MAGI2: variants seen among roughly 807,000 people sequenced by gnomAD.
MAGI2 encodes the protein membrane-associated guanylate kinase, WW and PDZ domain-containing protein 2.
A neutral mutation model predicts 133.3 loss-of-function variants in MAGI2; 35 were observed. The observed-to-expected ratio is 0.26, with a 90% CI of 0.20 to 0.35. The LOEUF is 0.35. MAGI2 is among the 10% of genes least tolerant of loss of function. MAGI2 has a pLI of 1.00. For missense variants in MAGI2, 1,636 were observed against 1,863.4 expected (o/e 0.88, Z 2.25); for synonymous variants, 729 against 710.6 (o/e 1.03, Z -0.41).
Position 78,125,846 on chromosome 7 carries a change from T to A in MAGI2, c.3424-9A>T. The A allele has an allele frequency of 6.2e-7, 1 of 1,613,496 alleles. No homozygotes were observed. Among genetic ancestry groups the A allele is most frequent in the South Asian group, 1.1e-5 (1 of 90,938 alleles). On this transcript the variant is annotated splice_polypyrimidine_tract_variant and intron_variant, in intron 19 of 21. Coordinates refer to ENST00000354212, the MANE Select transcript of MAGI2 (RefSeq NM_012301.4). Reference sequence around the variant, plus strand: ...GTGAAATAATCAAAATCCTTTGGGGTTGGGGAGAAAATGGAATAAATAATT... The same window carrying A: ...GTGAAATAATCAAAATCCTTTGGGGATGGGGAGAAAATGGAATAAATAATT...
intron 1 of MAGI2, chr7:79,353,600 T>C (rs1841829437): frequency 2.4e-6 from 1 of 413,046 alleles, no homozygotes; most frequent in Non-Finnish European, 4.8e-6. Flanking sequence ...GTGATCTTCC[T>C]GCTCTTTCAC....
At chr7:79,097,624 A>G (rs1284500959) in intron 1 of MAGI2, among the ~76,000 whole-genome samples, 3 of 152,192 alleles carry the variant, frequency 2.0e-5, no homozygotes, top group African/African-American at 7.2e-5. Flanking sequence ...GTATCTACTG[A>G]AAGGGCTGTG....
At chr7:78,038,729 GGAAA>G (rs1278050120) in intron 21 of MAGI2, among the ~76,000 whole-genome samples, 22 of 152,322 alleles carry the variant, frequency 1.4e-4, no homozygotes, top group African/African-American at 4.6e-4. Flanking sequence ...CTGAAGTTGA[GGAAA>G]GAAAGAAGAG....
intron 1 of MAGI2, among the ~76,000 whole-genome samples, chr7:79,169,859 CTTT>C (rs960669958): frequency 1.5e-4 from 23 of 150,996 alleles, no homozygotes; most frequent in Admixed American, 2.0e-4. Flanking sequence ...GCTTCTCTCT[CTTT>C]TTTTTTGTCT....
chr7:78,985,363 A>T (rs959545139), intron 2 of MAGI2, among the ~76,000 whole-genome samples: 3 of 152,072 alleles, frequency 2.0e-5, no homozygotes. Flanking sequence ...AGTAGAATCA[A>T]TTATACAGTT....
chr7:78,490,135 A>G (rs1793465042), intron 5 of MAGI2: 1 of 395,964 alleles, frequency 2.5e-6, no homozygotes. Context: ...GGAATTTATT[A>G]CAAATACAGG....
intron 2 of MAGI2, among the ~76,000 whole-genome samples, chr7:78,631,143 A>T (rs188578689): frequency 5.9e-5 from 9 of 152,320 alleles, no homozygotes; most frequent in Non-Finnish European, 1.3e-4. Context: ...GGCAAATCTG[A>T]CAGCATTTCA....
At chr7:79,185,818 T>C (rs1225751066) in intron 1 of MAGI2, among the ~76,000 whole-genome samples, 1 of 151,782 alleles carries the variant, frequency 6.6e-6, no homozygotes, top group Admixed American at 6.6e-5. Context: ...GATGTCTTCC[T>C]AAGCCAGTTG....
chr7:79,113,615 T>C (rs1232920576), intron 1 of MAGI2, among the ~76,000 whole-genome samples: 2 of 152,236 alleles, frequency 1.3e-5, no homozygotes, highest in Non-Finnish European at 2.9e-5. Flanking sequence ...ACTCAAGAGC[T>C]ACTAGCAAAG....
chr7:78,903,388 G>A (rs1325491769), intron 2 of MAGI2, among the ~76,000 whole-genome samples: 1 of 151,404 alleles, frequency 6.6e-6, no homozygotes, highest in Non-Finnish European at 1.5e-5. Context: ...GTAGAGACGG[G>A]GTTTCACCAT....
intron 2 of MAGI2, among the ~76,000 whole-genome samples, chr7:78,944,086 G>A (rs2151686504): frequency 6.6e-6 from 1 of 152,206 alleles, no homozygotes; most frequent in East Asian, 1.9e-4. Flanking sequence ...ATTCCCAGAT[G>A]GAGAATAAAC....
intron 21 of MAGI2, among the ~76,000 whole-genome samples, chr7:78,048,018 G>T (rs947756759): frequency 6.6e-6 from 1 of 152,198 alleles, no homozygotes; most frequent in Non-Finnish European, 1.5e-5. Context: ...TGATAGGATT[G>T]TGTTGGCTTT....
chr7:78,117,581 T>C (rs1169871066), intron 20 of MAGI2, among the ~76,000 whole-genome samples: 1 of 152,032 alleles, frequency 6.6e-6, no homozygotes, highest in Non-Finnish European at 1.5e-5. Flanking sequence ...TTTAATGAAA[T>C]TTTAAAAAGC....
At chr7:78,040,647 G>A (rs367956207) in intron 21 of MAGI2, among the ~76,000 whole-genome samples, 1 of 152,156 alleles carries the variant, frequency 6.6e-6, no homozygotes, top group Non-Finnish European at 1.5e-5. Flanking sequence ...AACCGCACCC[G>A]GGGCAGGTCA....
At chr7:78,679,757 G>C (rs1238495184) in intron 2 of MAGI2, among the ~76,000 whole-genome samples, 1 of 152,064 alleles carries the variant, frequency 6.6e-6, no homozygotes, top group Non-Finnish European at 1.5e-5. Context: ...ACATCTAGGA[G>C]GCAATACCAA....
At chr7:79,251,212 C>T (rs944791362) in intron 1 of MAGI2, among the ~76,000 whole-genome samples, 3 of 152,012 alleles carry the variant, frequency 2.0e-5, no homozygotes, top group East Asian at 1.9e-4. Flanking sequence ...CAGGCACAGA[C>T]ATCCAAAGAA....
intron 21 of MAGI2, among the ~76,000 whole-genome samples, chr7:78,056,285 T>C (rs1436436215): frequency 1.3e-5 from 2 of 152,152 alleles, no homozygotes; most frequent in African/African-American, 4.8e-5. Flanking sequence ...TATTCCATTG[T>C]AATACCATTT....
intron 21 of MAGI2, among the ~76,000 whole-genome samples, chr7:78,048,783 C>T (rs1811698022): frequency 6.6e-6 from 1 of 152,106 alleles, no homozygotes; most frequent in Non-Finnish European, 1.5e-5. Context: ...GGGAGATTTC[C>T]AATGAATATA....
chr7:79,290,808 A>G (rs1273210211), intron 1 of MAGI2, among the ~76,000 whole-genome samples: 2 of 152,126 alleles, frequency 1.3e-5, no homozygotes, highest in Non-Finnish European at 2.9e-5. Context: ...TCTGGAAAAT[A>G]TCGTTCTAAT....
Sources: allele counts gnomAD v4.1 joint callset (sites outside exome capture counted in the v4.1 genomes callset), GRCh38; gene constraint gnomAD v4.1.1; transcripts MANE v1.5; gene names NCBI Gene and HGNC (gene_info 2026-07-23, HGNC 2026-07-21).